SGCZ: variants seen among roughly 807,000 people sequenced by gnomAD.
SGCZ encodes the protein sarcoglycan zeta, also known as zeta-sarcoglycan.
A neutral mutation model predicts 41.3 loss-of-function variants in SGCZ; 40 were observed. The ratio of observed to expected loss-of-function variants is 0.97; its 90% CI spans 0.75 to 1.26. The LOEUF (loss-of-function observed/expected upper bound fraction) is 1.26, where lower values mean the gene tolerates loss of function less well. Ranked by LOEUF, SGCZ falls within the 50% of genes most tolerant of loss-of-function variation. SGCZ has a pLI of 0.00. For synonymous variants in SGCZ, 206 were observed against 137.5 expected (o/e 1.50, Z -3.49); for missense variants, 552 against 369.8 (o/e 1.49, Z -4.04).
At chr8:14,342,029 G>C (rs1802730202) in intron 2 of SGCZ, among the ~76,000 whole-genome samples, 1 of 152,208 alleles carries the variant, frequency 6.6e-6, no homozygotes, top group Non-Finnish European at 1.5e-5. Context: ...AACAGGCAGA[G>C]GTTGGAACAG....
intron 1 of SGCZ, among the ~76,000 whole-genome samples, chr8:14,557,767 A>G (rs1034596311): frequency 1.4e-4 from 22 of 152,064 alleles, no homozygotes; most frequent in Admixed American, 1.4e-3. Context: ...TAGAGAAACA[A>G]GAAAAACCAA....
At chr8:14,941,364 A>G (rs1203024085) in intron 1 of SGCZ, among the ~76,000 whole-genome samples, 1 of 152,150 alleles carries the variant, frequency 6.6e-6, no homozygotes, top group African/African-American at 2.4e-5. Context: ...GTTTACCACA[A>G]GGAAAGCAAA....
chr8:15,216,277 C>T (rs1215651105), intron 1 of SGCZ, among the ~76,000 whole-genome samples: 1 of 139,176 alleles, frequency 7.2e-6, no homozygotes, highest in Non-Finnish European at 1.5e-5. Flanking sequence ...TGGAGTGCAG[C>T]GGCACGATCT....
intron 1 of SGCZ, among the ~76,000 whole-genome samples, chr8:14,818,118 C>T (rs1022757352): frequency 1.3e-5 from 2 of 152,102 alleles, no homozygotes; most frequent in African/African-American, 4.8e-5. Context: ...TTGCAGTGAC[C>T]CCAACTCCCT....
In SGCZ at chr8:15,206,955, A is replaced by G. The variant is rs565905605; in HGVS notation, c.39+30630T>C. ...GTAACAAGACAAATATAATCTAATA[A>G]GGATTTAGTAAAATAGCTTGCAGAA... On this transcript the variant is annotated intron_variant, in intron 1 of 7. Transcript: ENST00000382080. Among the ~76,000 whole-genome samples the G allele has an allele frequency of 2.6e-5, 4 of 152,308 alleles. No homozygotes were observed. In the East Asian group the frequency reaches 5.8e-4, roughly 22 times the overall value.
intron 3 of SGCZ, among the ~76,000 whole-genome samples, chr8:14,263,866 A>ATT (rs1422024443): frequency 6.6e-6 from 1 of 152,164 alleles, no homozygotes; most frequent in Non-Finnish European, 1.5e-5. Flanking sequence ...CAAAACTCTC[A>ATT]GGAAGCGAGA....
intron 1 of SGCZ, among the ~76,000 whole-genome samples, chr8:14,595,400 A>AACACACAC (rs34287378): frequency 0.082 from 11,137 of 136,142 alleles, 537 homozygotes; most frequent in Non-Finnish European, 0.11. Context: ...AACATGCACA[A>AACACACAC]ACACACACAC....
intron 1 of SGCZ, among the ~76,000 whole-genome samples, chr8:14,991,563 G>A (rs1436801001): frequency 6.6e-6 from 1 of 152,032 alleles, no homozygotes; most frequent in African/African-American, 2.4e-5. Flanking sequence ...TATTATCAAA[G>A]CACTTATGCC....
chr8:14,861,036 G>C (rs1257754402), intron 1 of SGCZ, among the ~76,000 whole-genome samples: 1 of 152,158 alleles, frequency 6.6e-6, no homozygotes, highest in African/African-American at 2.4e-5. Context: ...TGTCCCTGCA[G>C]CACAGAATTG....
intron 2 of SGCZ, among the ~76,000 whole-genome samples, chr8:14,541,721 T>C (rs958131409): frequency 2.0e-5 from 3 of 152,156 alleles, no homozygotes; most frequent in Non-Finnish European, 4.4e-5. Context: ...TCTTCCACAA[T>C]GGTTGAACTA....
chr8:14,923,168 A>G (rs961895847), intron 1 of SGCZ, among the ~76,000 whole-genome samples: 12 of 152,328 alleles, frequency 7.9e-5, no homozygotes, highest in African/African-American at 2.9e-4. Context: ...ACTTCAGAGT[A>G]CAGATTTGGT....
intron 1 of SGCZ, among the ~76,000 whole-genome samples, chr8:14,948,311 A>G (rs1310176594): frequency 3.3e-5 from 5 of 152,282 alleles, no homozygotes; most frequent in African/African-American, 1.2e-4. Flanking sequence ...CTCTCTCCTA[A>G]TATACTGGCC....
chr8:15,097,886 G>GCA (rs1806436597), intron 1 of SGCZ, among the ~76,000 whole-genome samples: 1 of 19,016 alleles, frequency 5.3e-5, no homozygotes, highest in Admixed American at 8.4e-4. Flanking sequence ...ATATATACGT[G>GCA]TGTATATATA....
intron 1 of SGCZ, among the ~76,000 whole-genome samples, chr8:15,111,452 C>G (rs565614881): frequency 5.3e-5 from 8 of 152,268 alleles, no homozygotes; most frequent in African/African-American, 1.9e-4. Context: ...TTCACTTGAG[C>G]CTCAAGCCAC....
rs1390662165 is a variant in SGCZ, at chr8:14,279,656, G to A, written c.337-41977C>T. On this transcript the variant is annotated intron_variant, in intron 3 of 7. Coordinates refer to ENST00000382080, the MANE Select transcript of SGCZ (RefSeq NM_139167.4). Reference sequence around the variant, plus strand: ...CCACAGTGATGGATATAGCTTCTTTGACTGCACAGCTTCGGGCAGGTTAAA... The same window carrying A: ...CCACAGTGATGGATATAGCTTCTTTAACTGCACAGCTTCGGGCAGGTTAAA... Among the ~76,000 whole-genome samples, 5 of 151,998 alleles carry A rather than the reference G, an allele frequency of 3.3e-5. No individual in the cohort carries two copies. In the East Asian group the frequency reaches 7.7e-4, roughly 23 times the overall value.
intron 1 of SGCZ, among the ~76,000 whole-genome samples, chr8:14,847,129 G>GA (rs1320936823): frequency 5.8e-5 from 4 of 69,252 alleles, no homozygotes; most frequent in East Asian, 3.1e-4. Context: ...GAAGAAGAAA[G>GA]AAGAAGAAGA....
chr8:14,752,988 A>G (rs565512875), intron 1 of SGCZ, among the ~76,000 whole-genome samples: 3 of 152,210 alleles, frequency 2.0e-5, no homozygotes, highest in Admixed American at 2.0e-4. Context: ...CCTCTCAGCA[A>G]TTGGTCTGTT....
intron 1 of SGCZ, among the ~76,000 whole-genome samples, chr8:14,887,849 A>C (rs1804868474): frequency 6.6e-6 from 1 of 152,170 alleles, no homozygotes; most frequent in East Asian, 1.9e-4. Context: ...ATTCATCCAT[A>C]TAGTTGCAAA....
intron 3 of SGCZ, among the ~76,000 whole-genome samples, chr8:14,317,088 C>G (rs1585355267): frequency 1.3e-5 from 2 of 152,128 alleles, no homozygotes; most frequent in Admixed American, 1.3e-4. Context: ...TCCTTTGATT[C>G]TACTTTTGAA....
Sources: allele counts gnomAD v4.1 joint callset (sites outside exome capture counted in the v4.1 genomes callset), GRCh38; gene constraint gnomAD v4.1.1; transcripts MANE v1.5; gene names NCBI Gene and HGNC (gene_info 2026-07-23, HGNC 2026-07-21).